The following TAF1B variants were observed in gnomAD, a reference collection of about 807,000 sequenced individuals.
TAF1B encodes the protein TATA box-binding protein-associated factor RNA polymerase I subunit B.
Under a neutral mutation model 83.9 loss-of-function variants are expected in TAF1B, and 61 were observed. That is an observed-to-expected ratio of 0.73 (90% confidence interval 0.59 to 0.90). The LOEUF (loss-of-function observed/expected upper bound fraction) is 0.90. TAF1B is among the 40% of genes least tolerant of loss of function. TAF1B has a pLI of 0.00. For missense variants in TAF1B, 625 were observed against 677.0 expected (o/e 0.92, Z 0.85); for synonymous variants, 221 against 224.6 (o/e 0.98, Z 0.14).
intron 12 of TAF1B, among the ~76,000 whole-genome samples, chr2:9,916,837 CTTTTT>C (rs371475463): frequency 2.1e-5 from 2 of 95,720 alleles, no homozygotes; most frequent in Non-Finnish European, 4.5e-5. Context: ...CCTTTCTGTT[CTTTTT>C]TTTTTTTTTT....
intron 5 of TAF1B, among the ~76,000 whole-genome samples, chr2:9,861,205 CAG>C (rs750115552): frequency 4.0e-4 from 61 of 152,232 alleles, no homozygotes; most frequent in Non-Finnish European, 6.0e-4. Context: ...TAGTCAAAGA[CAG>C]GGGTGACAGA....
At chr2:9,867,194 A>C (rs563575707) in intron 5 of TAF1B, among the ~76,000 whole-genome samples, 1 of 152,356 alleles carries the variant, frequency 6.6e-6, no homozygotes, top group East Asian at 1.9e-4. Flanking sequence ...GTAGATGTGA[A>C]TCTTTGAACA....
At chr2:9,915,838 C>T (rs1665666024) in intron 12 of TAF1B, among the ~76,000 whole-genome samples, 1 of 152,194 alleles carries the variant, frequency 6.6e-6, no homozygotes, top group Admixed American at 6.5e-5. Flanking sequence ...GGCAACAAAC[C>T]ACATGTTCTT....
intron 14 of TAF1B, among the ~76,000 whole-genome samples, chr2:9,922,243 A>C (rs546648180): frequency 3.9e-5 from 6 of 152,140 alleles, no homozygotes; most frequent in East Asian, 1.9e-4. Flanking sequence ...CTCTTCTCAA[A>C]ACCTTCAGTG....
intron 8 of TAF1B, among the ~76,000 whole-genome samples, chr2:9,897,552 A>G (rs1665053585): frequency 6.6e-6 from 1 of 152,168 alleles, no homozygotes. Flanking sequence ...AAAAGATGTA[A>G]TACTGGGTCA....
chr2:9,930,174 C>T (rs1168516683), intron 14 of TAF1B, among the ~76,000 whole-genome samples: 1 of 151,690 alleles, frequency 6.6e-6, no homozygotes, highest in Non-Finnish European at 1.5e-5. Context: ...GTCTGTATCT[C>T]CTTCAGTTCT....
intron 4 of TAF1B, 135 bp from the exon 5 acceptor site, chr2:9,854,191 A>G (rs1663485915): frequency 1.6e-6 from 1 of 639,670 alleles, no homozygotes; most frequent in South Asian, 2.1e-5. Context: ...CAACTTGTGA[A>G]TACCACATAA....
chr2:9,878,206 G>A (rs1266982263), intron 7 of TAF1B, among the ~76,000 whole-genome samples: 1 of 150,098 alleles, frequency 6.7e-6, no homozygotes, highest in Non-Finnish European at 1.5e-5. Context: ...AAGCCCTTCA[G>A]GGGATTCTTC....
At chr2:9,893,277 T>G (rs756884099) in intron 8 of TAF1B, among the ~76,000 whole-genome samples, 2 of 152,210 alleles carry the variant, frequency 1.3e-5, no homozygotes, top group Non-Finnish European at 2.9e-5. Context: ...GTAATTTTAT[T>G]TCTGCGTCAT....
At chr2:9,918,083 AAG>A (rs1330676045) in intron 12 of TAF1B, among the ~76,000 whole-genome samples, 1 of 151,458 alleles carries the variant, frequency 6.6e-6, no homozygotes, top group African/African-American at 2.4e-5. Context: ...AAAAAAAAAA[AAG>A]AAAATGGTGG....
At chr2:9,900,043 AAT>A (rs1423473066) in intron 8 of TAF1B, among the ~76,000 whole-genome samples, 2 of 152,228 alleles carry the variant, frequency 1.3e-5, no homozygotes, top group African/African-American at 4.8e-5. Context: ...CACTCAAAAT[AAT>A]GTTCTCACAG....
chr2:9,897,018 C>G (rs1461679541), intron 8 of TAF1B, among the ~76,000 whole-genome samples: 2 of 152,152 alleles, frequency 1.3e-5, no homozygotes, highest in Non-Finnish European at 2.9e-5. Flanking sequence ...TCTCCTTTTT[C>G]TGCCTCTGCC....
At chr2:9,921,646 T>C (rs1297450563) in intron 14 of TAF1B, among the ~76,000 whole-genome samples, 1 of 152,210 alleles carries the variant, frequency 6.6e-6, no homozygotes, top group African/African-American at 2.4e-5. Context: ...TTTCCTTCTG[T>C]AGTGTCTTAA....
chr2:9,910,965 GT>G, intron 10 of TAF1B, 52 bp downstream of exon 10: 1 of 1,500,054 alleles, frequency 6.7e-7, no homozygotes, highest in Non-Finnish European at 9.0e-7. Flanking sequence ...GCTGATCTTA[GT>G]TTTTTAAGAA....
At chr2:9,859,023 A>G (rs1279839037) in intron 5 of TAF1B, among the ~76,000 whole-genome samples, 1 of 152,226 alleles carries the variant, frequency 6.6e-6, no homozygotes, top group African/African-American at 2.4e-5. Context: ...TTCTCCCCAG[A>G]AAATGGGTTT....
intron 6 of TAF1B, 39 bp downstream of exon 6, chr2:9,868,468 G>T (rs769116468): frequency 6.3e-7 from 1 of 1,585,974 alleles, no homozygotes; most frequent in South Asian, 1.2e-5. Flanking sequence ...TTTTAAAGCT[G>T]TTATGCCCCT....
Position 9,882,947 on chromosome 2 carries a change from A to C in TAF1B, c.807+142A>C, listed in dbSNP as rs550951897. 6.2e-5 allele frequency: 35 copies of C among 562,200 alleles called. No individual in the cohort carries two copies. The East Asian group carries it at 1.1e-3, about 18-fold the overall frequency. 34.8% of individuals were successfully genotyped at this position (562,200 alleles called of 1,614,324 possible). The stretch of plus-strand genomic sequence containing the variant: ...CATCAGTCATAATTTAACGAAGAGT[A>C]GAATTTTATTATTTTTTATTTTCCT... On this transcript the variant is annotated intron_variant, in intron 8 of 14. Transcript: ENST00000263663.
intron 9 of TAF1B, among the ~76,000 whole-genome samples, chr2:9,908,729 A>G (rs537433130): frequency 6.7e-4 from 102 of 152,342 alleles, no homozygotes; most frequent in Non-Finnish European, 1.0e-3. Flanking sequence ...AATTATCTTA[A>G]TAGTATAATA....
chr2:9,867,779 T>C (rs765879899), intron 5 of TAF1B, among the ~76,000 whole-genome samples: 10 of 152,160 alleles, frequency 6.6e-5, no homozygotes, highest in Non-Finnish European at 1.5e-4. Context: ...TCGTATATGC[T>C]ACAGGAGTTC....
Sources: gnomAD v4.1 joint callset for allele counts (sites outside exome capture counted in the v4.1 genomes callset) on GRCh38, gnomAD v4.1.1 for gene constraint, MANE v1.5 for transcripts, NCBI Gene and HGNC (gene_info 2026-07-23, HGNC 2026-07-21) for gene names.